ZNF69: variants seen among roughly 807,000 people sequenced by gnomAD.
The protein encoded by ZNF69 is zinc finger protein 69, also known as ZNF3.
Under a neutral mutation model 50.9 loss-of-function variants are expected in ZNF69, and 47 were observed. That is an observed-to-expected ratio of 0.92 (90% CI 0.73 to 1.18). The LOEUF is 1.18. Among genes scored for constraint, ZNF69 ranks in the 50% most tolerant of loss-of-function variants. ZNF69 has a pLI of 0.00. For missense variants in ZNF69, 717 were observed against 675.1 expected (o/e 1.06, Z -0.69); for synonymous variants, 216 against 223.1 (o/e 0.97, Z 0.29).
intron 1 of ZNF69, among the ~76,000 whole-genome samples, chr19:11,891,300 A>G (rs1977080627): frequency 6.6e-6 from 1 of 151,270 alleles, no homozygotes; most frequent in Non-Finnish European, 1.5e-5. Context: ...GGTGGCTTGC[A>G]CCTGTAGTTC....
the ZNF69 span, among the ~76,000 whole-genome samples, chr19:11,965,799 C>A: frequency 1.3e-5 from 2 of 152,076 alleles, no homozygotes; most frequent in Non-Finnish European, 2.9e-5. Context: ...GTGAGTGGTC[C>A]CGAGGCGGCT....
the ZNF69 span, among the ~76,000 whole-genome samples, chr19:11,955,577 G>A: frequency 6.6e-6 from 1 of 151,878 alleles, no homozygotes; most frequent in African/African-American, 2.4e-5. Flanking sequence ...TTACAGGTGT[G>A]AGCCACCGTG....
chr19:11,909,149 A>G (rs1972421494), downstream of ZNF69, among the ~76,000 whole-genome samples: 1 of 152,212 alleles, frequency 6.6e-6, no homozygotes, highest in Non-Finnish European at 1.5e-5. Context: ...GAATAGACCA[A>G]TAACAGGCTC....
At chr19:11,915,173 G>C (rs2947939), downstream of ZNF69, among the ~76,000 whole-genome samples, 4 of 152,012 alleles carry the variant, frequency 2.6e-5, no homozygotes, top group Admixed American at 6.6e-5. Context: ...ATTGCACCCT[G>C]CAGCCTAGTC....
chr19:11,920,268 T>C, the ZNF69 span, among the ~76,000 whole-genome samples: 3 of 152,016 alleles, frequency 2.0e-5, no homozygotes, highest in Admixed American at 1.3e-4. Flanking sequence ...TGCACTACCA[T>C]GTCCGGATAA....
At chr19:11,977,304 T>C in the ZNF69 span, 5 of 1,606,292 alleles carry the variant, frequency 3.1e-6, no homozygotes, top group African/African-American at 5.4e-5. Flanking sequence ...ATCATAGACA[T>C]AGAATCTAAT....
the ZNF69 span, among the ~76,000 whole-genome samples, chr19:11,940,461 C>T: frequency 1.3e-5 from 2 of 151,504 alleles, no homozygotes; most frequent in African/African-American, 2.4e-5. Flanking sequence ...TGCAGACCTT[C>T]GTGGTGAGTG....
the ZNF69 span, among the ~76,000 whole-genome samples, chr19:11,967,610 A>C: frequency 6.9e-4 from 105 of 152,212 alleles, 1 homozygote; most frequent in South Asian, 0.021. Flanking sequence ...TCACCGTGTT[A>C]GCCAGGATGG....
At chr19:11,925,312 G>A in the ZNF69 span, 1 of 1,606,678 alleles carries the variant, frequency 6.2e-7, no homozygotes, top group Non-Finnish European at 8.5e-7. Context: ...ACGGGGGAGG[G>A]GCTGCCTGGA....
chr19:11,953,481 A>G, the ZNF69 span: 2 of 152,132 alleles, frequency 1.3e-5, no homozygotes, highest in African/African-American at 4.8e-5. Context: ...CCTTTATAAC[A>G]TATGCTTTTC....
At chr19:11,974,575 G>C in the ZNF69 span, among the ~76,000 whole-genome samples, 1 of 148,766 alleles carries the variant, frequency 6.7e-6, no homozygotes, top group Non-Finnish European at 1.5e-5. Flanking sequence ...ATTCTTTAGG[G>C]GGAGGTATAG....
the ZNF69 span, among the ~76,000 whole-genome samples, chr19:11,928,520 C>T: frequency 6.7e-6 from 1 of 149,290 alleles, no homozygotes; most frequent in Non-Finnish European, 1.5e-5. Context: ...ATCACGAGGT[C>T]AGGAGATCGA....
chr19:11,916,869 T>C (rs577299118), downstream of ZNF69, among the ~76,000 whole-genome samples: 770 of 152,252 alleles, frequency 5.1e-3, 11 homozygotes, highest in African/African-American at 0.018. Flanking sequence ...GGGGATTTCA[T>C]GAATCACAGC....
chr19:11,896,215 A>AT (rs1977224469), intron 1 of ZNF69, among the ~76,000 whole-genome samples: 1 of 105,236 alleles, frequency 9.5e-6, no homozygotes, highest in African/African-American at 4.8e-5. Flanking sequence ...GCGAAACTCC[A>AT]TTAAAAAAAA....
At chr19:11,974,098 TTTCTTTCTTTCTTTCTTTC>T in the ZNF69 span, among the ~76,000 whole-genome samples, 1 of 94,926 alleles carries the variant, frequency 1.1e-5, no homozygotes, top group Admixed American at 1.1e-4. Context: ...TCTTTCTTTC[TTTCTTTCTTTCTTTCTTTC>T]TTTCTTTCTT....
the ZNF69 span, among the ~76,000 whole-genome samples, chr19:11,933,191 G>A: frequency 6.8e-6 from 1 of 146,578 alleles, no homozygotes; most frequent in Non-Finnish European, 1.5e-5. Flanking sequence ...GCTGAAATGG[G>A]AGGATAGCTT....
chr19:11,925,139 GT>G, the ZNF69 span: 432 of 1,582,034 alleles, frequency 2.7e-4, 2 homozygotes, highest in African/African-American at 5.4e-3. Context: ...GCGGCGGTTG[GT>G]AACCGGTCAG....
Position 11,905,119 on chromosome 19 carries a change from T to C in ZNF69, c.722T>C (p.Ile241Thr), listed in dbSNP as rs1185905098. Reference sequence around the variant, plus strand: ...AGTTTATATCTTATCCATGAAAGAATTCACACTGGAGAGAAACCATATGAA... The same window carrying C: ...AGTTTATATCTTATCCATGAAAGAACTCACACTGGAGAGAAACCATATGAA... ...CLSLYLIHERIHTGEKPYECK... is the reference protein window; with the variant it reads ...CLSLYLIHERTHTGEKPYECK... Residue 241 changes from isoleucine to threonine, a missense_variant, in exon 4 of 4, where the codon ATT becomes ACT. Transcript: ENST00000429654. 4 of 1,614,080 alleles carry C rather than the reference T, an allele frequency of 2.5e-6. No homozygotes were observed. Among genetic ancestry groups the C allele is most frequent in the East Asian group, 4.5e-5 (2 of 44,880 alleles).
In ZNF69 at chr19:11,906,080, C is replaced by T. The variant is rs758586776; in HGVS notation, c.1683C>T (p.Pro561=). The T allele has an allele frequency of 1.9e-6, 3 of 1,612,160 alleles. No homozygotes were observed. Among genetic ancestry groups the T allele is most frequent in the South Asian group, 1.1e-5 (1 of 90,890 alleles). The change falls in exon 4 of 4, where the codon CCC becomes CCT. Residue 561 remains proline (P), a synonymous_variant. Coordinates refer to ENST00000429654, the MANE Select transcript of ZNF69 (RefSeq NM_001364730.1). ...MHGRTHPEDK[P]YECKQ is the part of the protein sequence containing the mutation. ...GTAGGACTCACCCTGAAGATAAACC[C>T]TATGAGTGTAAGCAATGAGGGAAAG...
Sources: allele counts gnomAD v4.1 joint callset (sites outside exome capture counted in the v4.1 genomes callset), GRCh38; gene constraint gnomAD v4.1.1; transcripts MANE v1.5; gene names NCBI Gene and HGNC (gene_info 2026-07-23, HGNC 2026-07-21).